PDE4B: variants seen among roughly 807,000 people sequenced by gnomAD.
PDE4B encodes the protein 3',5'-cyclic-AMP phosphodiesterase 4B.
Under a neutral mutation model 82.2 loss-of-function variants are expected in PDE4B, and 20 were observed. That is an observed-to-expected ratio of 0.24 (90% CI 0.17 to 0.35). The LOEUF is 0.35. PDE4B is among the 10% of genes least tolerant of loss of function. The pLI is 1.00. For missense variants in PDE4B, 655 were observed against 907.2 expected (o/e 0.72, Z 3.57); for synonymous variants, 320 against 318.9 (o/e 1.00, Z -0.04).
intron 1 of PDE4B, among the ~76,000 whole-genome samples, chr1:65,894,476 G>A (rs1646887665): frequency 6.6e-6 from 1 of 151,990 alleles, no homozygotes; most frequent in Non-Finnish European, 1.5e-5. Context: ...GTTGATCAAA[G>A]ATTTCTTAGA....
At chr1:66,347,461 C>T (rs973081413) in intron 8 of PDE4B, among the ~76,000 whole-genome samples, 2 of 152,332 alleles carry the variant, frequency 1.3e-5, no homozygotes, top group Middle Eastern at 3.4e-3. Context: ...CATACTCTAG[C>T]TTAGGGATTA....
At chr1:65,826,549 G>T (rs2101269994) in intron 1 of PDE4B, among the ~76,000 whole-genome samples, 1 of 152,254 alleles carries the variant, frequency 6.6e-6, no homozygotes, top group African/African-American at 2.4e-5. Context: ...TATAGTGCTA[G>T]CTGGGGGAAG....
chr1:65,886,307 G>A (rs11586637), intron 1 of PDE4B, among the ~76,000 whole-genome samples: 10,485 of 151,860 alleles, frequency 0.069, 510 homozygotes, highest in Non-Finnish European at 0.1. Context: ...TGTTATATGC[G>A]CTGACTCTAA....
intron 3 of PDE4B, among the ~76,000 whole-genome samples, chr1:66,008,353 C>G (rs1652275381): frequency 6.6e-6 from 1 of 152,092 alleles, no homozygotes; most frequent in Admixed American, 6.6e-5. Flanking sequence ...TTGTCAACCA[C>G]CTGCTTGATT....
chr1:65,958,241 G>T (rs1049090747), intron 3 of PDE4B, among the ~76,000 whole-genome samples: 4 of 151,596 alleles, frequency 2.6e-5, no homozygotes, highest in Non-Finnish European at 5.9e-5. Context: ...TATTGAGATG[G>T]TTTTTTTAAA....
chr1:66,205,676 T>C (rs1444976760), intron 3 of PDE4B, among the ~76,000 whole-genome samples: 9 of 152,240 alleles, frequency 5.9e-5, no homozygotes, highest in Non-Finnish European at 1.3e-4. Context: ...CTTTCATAGA[T>C]ATTCCATTTG....
intron 3 of PDE4B, among the ~76,000 whole-genome samples, chr1:65,960,963 C>T (rs565587065): frequency 6.6e-6 from 1 of 152,180 alleles, no homozygotes; most frequent in Admixed American, 6.5e-5. Context: ...CATTTTTGGA[C>T]TCCTGGTAAG....
At chr1:66,115,626 C>G (rs112559565) in intron 3 of PDE4B, among the ~76,000 whole-genome samples, 16 of 152,332 alleles carry the variant, frequency 1.1e-4, no homozygotes, top group Admixed American at 5.9e-4. Context: ...ATGGGGGCGT[C>G]CCAGTAGGCA....
chr1:66,317,983 A>G (rs1659142661), intron 7 of PDE4B, among the ~76,000 whole-genome samples: 1 of 152,056 alleles, frequency 6.6e-6, no homozygotes, highest in African/African-American at 2.4e-5. Context: ...ATGTTGAAGG[A>G]CTCATTGTGG....
chr1:66,026,625 C>G (rs1303886537), intron 3 of PDE4B, among the ~76,000 whole-genome samples: 2 of 152,184 alleles, frequency 1.3e-5, no homozygotes, highest in Non-Finnish European at 2.9e-5. Context: ...AGGACTAGCA[C>G]ATAATAACTA....
intron 7 of PDE4B, among the ~76,000 whole-genome samples, chr1:66,299,096 CTT>C (rs1657711241): frequency 1.3e-5 from 2 of 152,126 alleles, no homozygotes; most frequent in African/African-American, 4.8e-5. Flanking sequence ...AAAATCCTCT[CTT>C]CTAGCTTTGA....
intron 8 of PDE4B, among the ~76,000 whole-genome samples, chr1:66,332,875 G>C (rs956102242): frequency 1.3e-5 from 2 of 152,216 alleles, no homozygotes; most frequent in African/African-American, 4.8e-5. Flanking sequence ...TTTGGAATAG[G>C]TTTAAGGTGA....
At chr1:66,208,323 C>T (rs999926548) in intron 3 of PDE4B, among the ~76,000 whole-genome samples, 6 of 152,112 alleles carry the variant, frequency 3.9e-5, no homozygotes, top group African/African-American at 7.2e-5. Flanking sequence ...CTGTTGAGTG[C>T]GTACCATGTG....
At chr1:66,088,730 T>A (rs564475244) in intron 3 of PDE4B, among the ~76,000 whole-genome samples, 1 of 152,186 alleles carries the variant, frequency 6.6e-6, no homozygotes, top group African/African-American at 2.4e-5. Context: ...TGGGGCTTTT[T>A]TTCTCTTCTC....
At chr1:66,014,563 T>C (rs1036003414) in intron 3 of PDE4B, among the ~76,000 whole-genome samples, 2 of 152,126 alleles carry the variant, frequency 1.3e-5, no homozygotes, top group Non-Finnish European at 2.9e-5. Flanking sequence ...ACACCATTTG[T>C]TAAAGAAAAA....
At chr1:65,866,431 A>T (rs1312270028) in intron 1 of PDE4B, among the ~76,000 whole-genome samples, 1 of 152,216 alleles carries the variant, frequency 6.6e-6, no homozygotes, top group East Asian at 1.9e-4. Context: ...TTCCCCAGAA[A>T]CTTTTAAAAA....
chr1:66,157,013 C>T (rs1288751973), intron 3 of PDE4B, among the ~76,000 whole-genome samples: 1 of 152,158 alleles, frequency 6.6e-6, no homozygotes, highest in African/African-American at 2.4e-5. Context: ...CCCTTGAGCT[C>T]TAAACTTGTG....
At chr1:66,354,971 G>A in intron 8 of PDE4B, 1 of 1,285,860 alleles carries the variant, frequency 7.8e-7, no homozygotes, top group East Asian at 2.5e-5. Context: ...GTGAAGTACA[G>A]GACATCTGTA....
At chr1:66,359,725 A>G (rs113918797) in intron 9 of PDE4B, among the ~76,000 whole-genome samples, 3 of 152,220 alleles carry the variant, frequency 2.0e-5, no homozygotes, top group Non-Finnish European at 2.9e-5. Context: ...AATGGTGGTA[A>G]AAAGGCAGGC....
Sources: gnomAD v4.1 joint callset for allele counts (sites outside exome capture counted in the v4.1 genomes callset) on GRCh38, gnomAD v4.1.1 for gene constraint, MANE v1.5 for transcripts, NCBI Gene and HGNC (gene_info 2026-07-23, HGNC 2026-07-21) for gene names.